Variants in PRKG1 observed in about 807,000 individuals in gnomAD.
PRKG1 encodes cGMP-dependent protein kinase 1.
Under a neutral mutation model 88.1 loss-of-function variants are expected in PRKG1, and 35 were observed. That is an observed-to-expected ratio of 0.40 (90% CI 0.30 to 0.53). PRKG1 has a LOEUF of 0.53. PRKG1 is among the 20% of genes least tolerant of loss of function. PRKG1 has a pLI of 0.59. For missense variants in PRKG1, 540 were observed against 839.8 expected (o/e 0.64, Z 4.41); for synonymous variants, 303 against 292.5 (o/e 1.04, Z -0.37).
intron 1 of PRKG1, among the ~76,000 whole-genome samples, chr10:51,106,349 G>A (rs190577661): frequency 7.7e-4 from 117 of 152,196 alleles, no homozygotes; most frequent in African/African-American, 2.5e-3. Context: ...CACCACCCTC[G>A]GGAGAATACA....
chr10:51,149,917 T>C (rs1314254157), intron 1 of PRKG1, among the ~76,000 whole-genome samples: 1 of 152,108 alleles, frequency 6.6e-6, no homozygotes, highest in Non-Finnish European at 1.5e-5. Context: ...TATCATTATA[T>C]ATAGCTAATA....
At chr10:52,081,439 A>G (rs534297040) in intron 7 of PRKG1, among the ~76,000 whole-genome samples, 18 of 152,310 alleles carry the variant, frequency 1.2e-4, no homozygotes, top group Admixed American at 7.2e-4. Context: ...ACAGATCCTG[A>G]TAAATGTTAG....
chr10:50,996,609 C>T (rs77540707), intron 1 of PRKG1, among the ~76,000 whole-genome samples: 2,329 of 152,292 alleles, frequency 0.015, 24 homozygotes, highest in Non-Finnish European at 0.024. Flanking sequence ...CATCTTCTTC[C>T]TTCCTCATCC....
At chr10:52,272,694 C>G (rs1022467193) in intron 12 of PRKG1, among the ~76,000 whole-genome samples, 1 of 151,988 alleles carries the variant, frequency 6.6e-6, no homozygotes, top group Non-Finnish European at 1.5e-5. Context: ...ACAATACAGG[C>G]TTAGTCGATC....
intron 5 of PRKG1, among the ~76,000 whole-genome samples, chr10:51,968,798 GA>G (rs1406692502): frequency 7.2e-6 from 1 of 139,762 alleles, no homozygotes; most frequent in Non-Finnish European, 1.5e-5. Flanking sequence ...ACTCCAGCCT[GA>G]GCGACAGAGC....
At position 51,442,319 on chromosome 10, in the gene PRKG1, C is replaced by T. The variant is rs571085074; in HGVS notation, c.479-25404C>T. 5.3e-5 allele frequency among the ~76,000 whole-genome samples: 8 copies of T among 151,912 alleles called. No individual in the cohort carries two copies. The South Asian group carries it at 1.7e-3, about 32-fold the overall frequency. ...AATTTTGGTTTTAATTTTTTTAAAG[C>T]AAATCAAATTCTATTTAGAATTTGT... On this transcript the variant is annotated intron_variant, in intron 2 of 17. Transcript: ENST00000373980.
At chr10:52,193,704 T>A in intron 9 of PRKG1, among the ~76,000 whole-genome samples, 1 of 151,500 alleles carries the variant, frequency 6.6e-6, no homozygotes, top group East Asian at 1.9e-4. Flanking sequence ...CATCAACAAA[T>A]AACTTAAAAC....
At chr10:52,153,677 C>T (rs912151606) in intron 8 of PRKG1, among the ~76,000 whole-genome samples, 67 of 152,248 alleles carry the variant, frequency 4.4e-4, no homozygotes, top group African/African-American at 1.6e-3. Context: ...GTAGAACTGA[C>T]GGGAACAGAA....
chr10:51,468,775 T>G (rs1384411839), intron 3 of PRKG1, among the ~76,000 whole-genome samples: 1 of 151,866 alleles, frequency 6.6e-6, no homozygotes, highest in African/African-American at 2.4e-5. Context: ...TTTATCTGGA[T>G]CTCGTTGACT....
At position 51,698,362 on chromosome 10, in the gene PRKG1, T is replaced by C. The variant is rs371185885; in HGVS notation, c.593-106223T>C. The C allele has an allele frequency of 1.4e-5, 22 of 1,614,070 alleles. No homozygotes were observed. The African/African-American group carries it at 2.9e-4, about 22-fold the overall frequency. On this transcript the variant is annotated intron_variant, in intron 3 of 17. Coordinates refer to ENST00000373980, the MANE Select transcript of PRKG1 (RefSeq NM_006258.4). The stretch of plus-strand genomic sequence containing the variant: ...GACCCCTTTGATCTATCATGGGGCC[T>C]CTGGGCTCTCCAATTAGCAGTCTGG...
intron 3 of PRKG1, among the ~76,000 whole-genome samples, chr10:51,582,601 A>G (rs1838068154): frequency 6.6e-6 from 1 of 152,096 alleles, no homozygotes; most frequent in Non-Finnish European, 1.5e-5. Flanking sequence ...AGTGGCTTCC[A>G]GCTTCATCCA....
At chr10:51,078,590 ATATTTATTTATTTATTTATTTATTTATT>A (rs35676352) in intron 1 of PRKG1, among the ~76,000 whole-genome samples, 1 of 137,282 alleles carries the variant, frequency 7.3e-6, no homozygotes. Flanking sequence ...ATATTTATTT[ATATTTATTTATTTATTTATTTATTTATT>A]TATTTATTTA....
At chr10:52,018,331 T>C (rs1047096057) in intron 5 of PRKG1, among the ~76,000 whole-genome samples, 1 of 152,212 alleles carries the variant, frequency 6.6e-6, no homozygotes, top group Non-Finnish European at 1.5e-5. Flanking sequence ...AAGATAAGCA[T>C]GTTCATGGAC....
chr10:51,366,114 A>C (rs758247922), intron 2 of PRKG1, among the ~76,000 whole-genome samples: 8 of 151,752 alleles, frequency 5.3e-5, no homozygotes, highest in Non-Finnish European at 1.2e-4. Context: ...ATTTTTGGTC[A>C]TCTCTTTGAA....
intron 4 of PRKG1, among the ~76,000 whole-genome samples, chr10:51,887,551 A>G (rs1196197367): frequency 2.0e-5 from 3 of 152,222 alleles, no homozygotes; most frequent in Admixed American, 6.5e-5. Context: ...TAAGAGTTCT[A>G]ATTCCTCCAC....
chr10:52,037,119 T>A (rs1281126514), intron 5 of PRKG1, among the ~76,000 whole-genome samples: 1 of 152,212 alleles, frequency 6.6e-6, no homozygotes, highest in Non-Finnish European at 1.5e-5. Flanking sequence ...CCAGGTGAGT[T>A]GAACAGTCCG....
At chr10:51,735,014 G>A (rs543625856) in intron 3 of PRKG1, among the ~76,000 whole-genome samples, 87 of 152,066 alleles carry the variant, frequency 5.7e-4, no homozygotes, top group Non-Finnish European at 1.0e-3. Flanking sequence ...TAAAAATCCC[G>A]GGCTCTGAAG....
intron 9 of PRKG1, among the ~76,000 whole-genome samples, chr10:52,175,015 C>T (rs934627072): frequency 2.0e-5 from 3 of 151,982 alleles, no homozygotes; most frequent in Non-Finnish European, 4.4e-5. Context: ...TTCAATATCA[C>T]CCTTTAGCTA....
chr10:52,229,550 T>A (rs1429494294), intron 9 of PRKG1, among the ~76,000 whole-genome samples: 2 of 152,188 alleles, frequency 1.3e-5, no homozygotes, highest in Non-Finnish European at 2.9e-5. Flanking sequence ...AACTCTGATT[T>A]TGGCAACAGT....
Sources: gnomAD v4.1 joint callset for allele counts (sites outside exome capture counted in the v4.1 genomes callset) on GRCh38, gnomAD v4.1.1 for gene constraint, MANE v1.5 for transcripts, NCBI Gene and HGNC (gene_info 2026-07-23, HGNC 2026-07-21) for gene names.